Variants in TRPM3 observed in about 807,000 individuals in gnomAD.
The protein encoded by TRPM3 is transient receptor potential cation channel subfamily M member 3, also known as long transient receptor potential channel 3.
In TRPM3, 77 loss-of-function variants were observed where a neutral mutation model predicts 181.2. That is an observed-to-expected ratio of 0.42 (90% confidence interval 0.35 to 0.51). TRPM3 has a LOEUF of 0.51. TRPM3 is among the 20% of genes least tolerant of loss of function. The pLI is 0.01. For missense variants in TRPM3, 1,759 were observed against 2,196.7 expected, an observed-to-expected ratio of 0.80 and a Z score of 3.98; for synonymous variants, 745 against 796.4, an observed-to-expected ratio of 0.94 and a Z score of 1.09.
At chr9:70,653,158 T>G (rs2059810816) in intron 9 of TRPM3, among the ~76,000 whole-genome samples, 1 of 151,486 alleles carries the variant, frequency 6.6e-6, no homozygotes, top group Non-Finnish European at 1.5e-5. Flanking sequence ...AGAAGAGAGG[T>G]CTTTAGAGAG....
intron 1 of TRPM3, among the ~76,000 whole-genome samples, chr9:71,317,640 CAAA>C (rs58631084): frequency 5.5e-5 from 7 of 126,334 alleles, no homozygotes; most frequent in East Asian, 2.4e-4. Context: ...GACCCTCTCT[CAAA>C]AAAAAAAAAA....
chr9:71,043,122 G>A (rs756161192), intron 1 of TRPM3, among the ~76,000 whole-genome samples: 7 of 152,268 alleles, frequency 4.6e-5, no homozygotes, highest in South Asian at 4.1e-4. Context: ...GCTTTTAAGC[G>A]CCTAAATGTA....
intron 1 of TRPM3, among the ~76,000 whole-genome samples, chr9:71,095,713 T>C (rs1280638554): frequency 2.1e-5 from 3 of 139,756 alleles, no homozygotes; most frequent in Admixed American, 1.6e-4. Flanking sequence ...GAGCTGACAT[T>C]GCGTGACTGC....
chr9:71,157,407 C>G (rs1020439697), intron 1 of TRPM3, among the ~76,000 whole-genome samples: 1 of 152,036 alleles, frequency 6.6e-6, no homozygotes, highest in African/African-American at 2.4e-5. Flanking sequence ...CTATCATTTT[C>G]AAAATATGTT....
intron 4 of TRPM3, among the ~76,000 whole-genome samples, chr9:70,844,187 C>T (rs1266619349): frequency 2.6e-5 from 4 of 152,160 alleles, no homozygotes; most frequent in Non-Finnish European, 5.9e-5. Context: ...AGACACTGTG[C>T]GCTAAACTAA....
intron 21 of TRPM3, among the ~76,000 whole-genome samples, chr9:70,594,891 C>T (rs566251130): frequency 6.6e-6 from 1 of 152,270 alleles, no homozygotes; most frequent in African/African-American, 2.4e-5. Flanking sequence ...ATCTGACTCA[C>T]TGATAAATTC....
chr9:70,629,065 T>TAGAAA (rs750129953), intron 12 of TRPM3, among the ~76,000 whole-genome samples: 2 of 151,872 alleles, frequency 1.3e-5, no homozygotes, highest in Non-Finnish European at 2.9e-5. Context: ...AGAACATTTT[T>TAGAAA]AGAAAATGGC....
intron 1 of TRPM3, among the ~76,000 whole-genome samples, chr9:71,300,697 A>G (rs1373274880): frequency 6.6e-6 from 1 of 152,138 alleles, no homozygotes; most frequent in Non-Finnish European, 1.5e-5. Context: ...TTATGATGTA[A>G]AAGTTTGCTA....
At chr9:70,884,734 G>T (rs981347807) in intron 1 of TRPM3, among the ~76,000 whole-genome samples, 1 of 152,090 alleles carries the variant, frequency 6.6e-6, no homozygotes, top group Non-Finnish European at 1.5e-5. Flanking sequence ...TAATTTAAGT[G>T]ATTAAATATA....
At chr9:71,302,407 G>A (rs1040208173) in intron 1 of TRPM3, among the ~76,000 whole-genome samples, 4 of 152,104 alleles carry the variant, frequency 2.6e-5, no homozygotes, top group South Asian at 2.1e-4. Context: ...TATTCTACGA[G>A]CAATACTGAA....
intron 1 of TRPM3, among the ~76,000 whole-genome samples, chr9:70,923,003 C>A (rs1333984673): frequency 1.3e-5 from 2 of 152,060 alleles, no homozygotes; most frequent in Non-Finnish European, 2.9e-5. Context: ...AAAGTAATGG[C>A]CACCAAGAGA....
At chr9:70,657,786 T>A (rs1235058832) in intron 9 of TRPM3, among the ~76,000 whole-genome samples, 1 of 152,152 alleles carries the variant, frequency 6.6e-6, no homozygotes, top group African/African-American at 2.4e-5. Flanking sequence ...ATCTCACATC[T>A]TCGGGTCTGG....
intron 20 of TRPM3, among the ~76,000 whole-genome samples, chr9:70,601,255 G>C (rs1054873605): frequency 6.6e-6 from 1 of 152,184 alleles, no homozygotes; most frequent in Non-Finnish European, 1.5e-5. Context: ...GTCTACCCAC[G>C]CATGCTGTAA....
chr9:71,224,458 A>T (rs966851580), intron 1 of TRPM3, among the ~76,000 whole-genome samples: 6 of 152,212 alleles, frequency 3.9e-5, no homozygotes, highest in Admixed American at 3.9e-4. Context: ...TACTGCAAAA[A>T]CTACAACAAG....
chr9:71,027,728 C>T (rs1030255721), intron 1 of TRPM3, among the ~76,000 whole-genome samples: 3 of 152,118 alleles, frequency 2.0e-5, no homozygotes, highest in African/African-American at 7.2e-5. Flanking sequence ...GCCTTGAAGA[C>T]TAGCTTTTGG....
intron 1 of TRPM3, among the ~76,000 whole-genome samples, chr9:71,107,118 A>C (rs982236709): frequency 2.0e-5 from 3 of 152,174 alleles, no homozygotes; most frequent in Non-Finnish European, 2.9e-5. Context: ...TGAGCTGTAC[A>C]TCAAAGCAGT....
chr9:70,761,461 A>G, intron 8 of TRPM3, 140 bp downstream of exon 8: 2 of 1,105,030 alleles, frequency 1.8e-6, no homozygotes, highest in Non-Finnish European at 2.7e-6. Flanking sequence ...AGAGGAAGCT[A>G]CTGGAGCCAA....
At chr9:71,433,089 A>G (rs191585114) in intron 1 of TRPM3, among the ~76,000 whole-genome samples, 5 of 152,226 alleles carry the variant, frequency 3.3e-5, no homozygotes, top group Non-Finnish European at 5.9e-5. Flanking sequence ...ATGCTGTGCT[A>G]TGAATATAAT....
intron 1 of TRPM3, among the ~76,000 whole-genome samples, chr9:71,024,569 A>G (rs767502259): frequency 1.3e-5 from 2 of 152,352 alleles, no homozygotes; most frequent in South Asian, 2.1e-4. Context: ...CTGAGATTCA[A>G]CATCGACTCT....
Sources: allele counts gnomAD v4.1 joint callset (sites outside exome capture counted in the v4.1 genomes callset), GRCh38; gene constraint gnomAD v4.1.1; transcripts MANE v1.5; gene names NCBI Gene and HGNC (gene_info 2026-07-23, HGNC 2026-07-21).